The following OR51B5 variants were observed in gnomAD, a reference collection of about 807,000 sequenced individuals.
The protein encoded by OR51B5 is olfactory receptor family 51 subfamily B member 5, also known as olfactory receptor 51B5.
For missense variants in OR51B5, 456 were observed against 374.6 expected, an observed-to-expected ratio of 1.22 and a Z score of -1.79; for synonymous variants, 186 against 144.8, an observed-to-expected ratio of 1.28 and a Z score of -2.04.
At chr11:5,365,367 T>C (rs1403612600) in intron 1 of OR51B5, among the ~76,000 whole-genome samples, 3 of 152,120 alleles carry the variant, frequency 2.0e-5, no homozygotes, top group Admixed American at 6.5e-5. Context: ...GCATGGCTGG[T>C]CCCGGCATGG....
intron 1 of OR51B5, among the ~76,000 whole-genome samples, chr11:5,350,877 A>T (rs1338405232): frequency 6.6e-6 from 1 of 152,198 alleles, no homozygotes; most frequent in Non-Finnish European, 1.5e-5. Context: ...TAACTACCCA[A>T]AAGTCTCTGG....
At chr11:5,499,942 G>A (rs1183070593) in intron 1 of OR51B5, among the ~76,000 whole-genome samples, 1 of 152,194 alleles carries the variant, frequency 6.6e-6, no homozygotes, top group Non-Finnish European at 1.5e-5. Flanking sequence ...TGAGAACATG[G>A]AATATGTAAT....
intron 1 of OR51B5, among the ~76,000 whole-genome samples, chr11:5,442,763 C>G (rs1376852724): frequency 6.6e-6 from 1 of 152,142 alleles, no homozygotes; most frequent in Admixed American, 6.5e-5. Flanking sequence ...TATATCGTGG[C>G]TTCCACACTC....
chr11:5,376,845 G>A (rs1849536250), intron 1 of OR51B5, among the ~76,000 whole-genome samples: 1 of 147,782 alleles, frequency 6.8e-6, no homozygotes, highest in Admixed American at 6.8e-5. Context: ...AAGAGTCCAG[G>A]ACCAGATGGA....
intron 1 of OR51B5, among the ~76,000 whole-genome samples, chr11:5,404,572 CG>C (rs1850031795): frequency 6.6e-6 from 1 of 152,108 alleles, no homozygotes; most frequent in Admixed American, 6.5e-5. Context: ...AGGATGTGGG[CG>C]GGGCCAAATA....
At chr11:5,492,823 C>G (rs1470068481) in intron 1 of OR51B5, among the ~76,000 whole-genome samples, 3 of 152,074 alleles carry the variant, frequency 2.0e-5, no homozygotes, top group Non-Finnish European at 4.4e-5. Context: ...TTGGTAGAGA[C>G]AGAGTTTCAC....
intron 1 of OR51B5, chr11:5,505,320 C>T: frequency 7.7e-7 from 1 of 1,303,016 alleles, no homozygotes. Context: ...TGTATATCTT[C>T]CCCAGTCAGA....
chr11:5,422,757 T>C, intron 1 of OR51B5: 1 of 1,614,214 alleles, frequency 6.2e-7, no homozygotes, highest in Non-Finnish European at 8.5e-7. Flanking sequence ...CACCAGGATA[T>C]GATCCGCCTG....
At chr11:5,356,412 G>A (rs990323249) in intron 1 of OR51B5, among the ~76,000 whole-genome samples, 7 of 151,456 alleles carry the variant, frequency 4.6e-5, no homozygotes, top group African/African-American at 1.7e-4. Context: ...GAAGCAAGAA[G>A]AGAAGTTTAG....
At chr11:5,453,552 A>C (rs965338906) in intron 1 of OR51B5, 2 of 1,607,608 alleles carry the variant, frequency 1.2e-6, no homozygotes, top group African/African-American at 2.7e-5. Flanking sequence ...TGGTCTGGAG[A>C]GCTCTCACTC....
At chr11:5,353,161 T>C (rs1468644679) in intron 1 of OR51B5, among the ~76,000 whole-genome samples, 1 of 152,032 alleles carries the variant, frequency 6.6e-6, no homozygotes, top group Admixed American at 6.6e-5. Flanking sequence ...CTTTCTTCAA[T>C]GAGGGTAAAC....
At chr11:5,461,099 G>A (rs1232545050) in intron 1 of OR51B5, among the ~76,000 whole-genome samples, 4 of 151,942 alleles carry the variant, frequency 2.6e-5, no homozygotes, top group African/African-American at 4.9e-5. Context: ...CAGCTGGGGG[G>A]CTGCGTGTGA....
intron 1 of OR51B5, among the ~76,000 whole-genome samples, chr11:5,377,924 C>G (rs1346297177): frequency 6.6e-6 from 1 of 152,082 alleles, no homozygotes; most frequent in Non-Finnish European, 1.5e-5. Context: ...CCCCATCAAG[C>G]TACCAATGAT....
intron 1 of OR51B5, among the ~76,000 whole-genome samples, chr11:5,378,846 A>C (rs951309590): frequency 7.3e-5 from 11 of 149,806 alleles, no homozygotes; most frequent in East Asian, 3.9e-4. Context: ...AAATAGGAAC[A>C]CTTTTACACT....
intron 1 of OR51B5, among the ~76,000 whole-genome samples, chr11:5,407,087 G>A (rs542548319): frequency 6.6e-6 from 1 of 152,136 alleles, no homozygotes; most frequent in East Asian, 1.9e-4. Flanking sequence ...TAACAATTAT[G>A]TACTACCCAT....
intron 1 of OR51B5, chr11:5,489,852 T>G (rs1279134207): frequency 1.7e-6 from 1 of 572,520 alleles, no homozygotes; most frequent in East Asian, 2.8e-5. Context: ...CTGAGGCTCC[T>G]TGGGGAACTC....
chr11:5,462,234 T>C (rs944978141), intron 1 of OR51B5, among the ~76,000 whole-genome samples: 3 of 152,170 alleles, frequency 2.0e-5, no homozygotes, highest in Non-Finnish European at 4.4e-5. Flanking sequence ...TATAGTAGGA[T>C]GAAATTCTTG....
chr11:5,342,937 G>C lies in OR51B5; in HGVS notation c.588C>G (p.Tyr196Ter). 1 of 1,613,842 alleles carries C rather than the reference G, an allele frequency of 6.2e-7. No individual in the cohort carries two copies. The highest frequency in any genetic ancestry group is 8.5e-7 in the Non-Finnish European group (1 of 1,179,880). ...ATATAAAGACTACAAGCACAGCTGG[G>C]TACAGTCGGTTGAAGGTGGTATCAG... The change falls in exon 1 of 1, where the codon TAC (tyrosine) becomes TAG (stop). Residue 196 changes from tyrosine (Y) to a stop codon, truncating the protein, a stop_gained. Coordinates refer to ENST00000300773, the Ensembl canonical transcript of OR51B5. LOFTEE classifies it low-confidence loss of function (END_TRUNC).
intron 1 of OR51B5, among the ~76,000 whole-genome samples, chr11:5,435,516 A>T (rs1171838768): frequency 6.6e-6 from 1 of 152,236 alleles, no homozygotes; most frequent in Non-Finnish European, 1.5e-5. Context: ...TTTGTCTGTT[A>T]TCACTAGATA....
Sources: allele counts gnomAD v4.1 joint callset (sites outside exome capture counted in the v4.1 genomes callset), GRCh38; gene constraint gnomAD v4.1.1; transcripts MANE v1.5; gene names NCBI Gene and HGNC (gene_info 2026-07-23, HGNC 2026-07-21).